Variants in PDCD6IP observed in about 807,000 individuals in gnomAD.
PDCD6IP encodes programmed cell death 6 interacting protein.
A neutral mutation model predicts 103.7 loss-of-function variants in PDCD6IP; 43 were observed. The observed-to-expected ratio is 0.41, with a 90% CI of 0.32 to 0.53. The LOEUF is 0.53. Ranked by LOEUF, PDCD6IP falls within the 20% of genes least tolerant of loss-of-function variation. The pLI, the probability that PDCD6IP is intolerant of heterozygous loss-of-function variation, is 0.16. For synonymous variants in PDCD6IP, 354 were observed against 378.7 expected (o/e 0.93, Z 0.76); for missense variants, 871 against 1,036.7 (o/e 0.84, Z 2.20).
At chr3:33,845,273 A>G in intron 11 of PDCD6IP, 146 bp from the exon 12 acceptor site, 1 of 491,138 alleles carries the variant, frequency 2.0e-6, no homozygotes, top group Non-Finnish European at 3.6e-6. Context: ...AAAGACTGTC[A>G]GGAGCTGTTT....
chr3:33,848,298 A>G (rs1559792841), intron 12 of PDCD6IP, among the ~76,000 whole-genome samples: 1 of 152,200 alleles, frequency 6.6e-6, no homozygotes, highest in African/African-American at 2.4e-5. Flanking sequence ...AAATGTATCA[A>G]GTTTCTGCGT....
rs754711520 is a variant in PDCD6IP at position 33,836,198 on chromosome 3, A to T, written c.989A>T (p.Asp330Val). The change falls in exon 8 of 18, where the codon GAT becomes GTT. Residue 330 changes from aspartate (D) to valine (V), a missense_variant. Around this residue, in one of 5 missense-constraint regions of PDCD6IP, gnomAD observed 242 missense variants for 250.7 expected, o/e 0.97. Transcript: ENST00000307296. ...CGAGTTCCAGACCTTAAAGATCTAG[A>T]TCCTATTGGCAAAGCCACACTTGTG... ...HDRVPDLKDLDPIGKATLVKS... is the reference protein window; with the variant it reads ...HDRVPDLKDLVPIGKATLVKS... 1 of 1,613,760 alleles carries T rather than the reference A, an allele frequency of 6.2e-7. No homozygotes were observed. Among genetic ancestry groups the T allele is most frequent in the Non-Finnish European group, 8.5e-7 (1 of 1,179,660 alleles).
At chr3:33,835,229 T>A (rs1206982104) in intron 7 of PDCD6IP, 2 of 456,630 alleles carry the variant, frequency 4.4e-6, no homozygotes, top group African/African-American at 4.0e-5. Context: ...GTTCACTTCC[T>A]GTGTTGTTGG....
intron 15 of PDCD6IP, among the ~76,000 whole-genome samples, chr3:33,856,711 T>A (rs1219212926): frequency 6.6e-6 from 1 of 152,114 alleles, no homozygotes; most frequent in Non-Finnish European, 1.5e-5. Context: ...GGCAGAATCC[T>A]TTAGGCAGTC....
intron 12 of PDCD6IP, among the ~76,000 whole-genome samples, chr3:33,851,926 G>C (rs185761811): frequency 2.7e-4 from 41 of 152,182 alleles, no homozygotes; most frequent in Admixed American, 1.6e-3. Context: ...CTTCACCTCT[G>C]TTTCTCTATA....
intron 15 of PDCD6IP, among the ~76,000 whole-genome samples, chr3:33,855,877 T>G (rs947406191): frequency 6.6e-6 from 1 of 152,046 alleles, no homozygotes; most frequent in African/African-American, 2.4e-5. Context: ...CAACAACAAA[T>G]GTAAGGAGGC....
intron 3 of PDCD6IP, among the ~76,000 whole-genome samples, chr3:33,819,535 T>C (rs1294679642): frequency 6.6e-6 from 1 of 152,238 alleles, no homozygotes; most frequent in Non-Finnish European, 1.5e-5. Flanking sequence ...TGTTTATGTC[T>C]GCTTTAGTTT....
At chr3:33,816,503 TAAAAAAAAAA>T (rs57317946) in intron 3 of PDCD6IP, among the ~76,000 whole-genome samples, 2 of 57,636 alleles carry the variant, frequency 3.5e-5, no homozygotes, top group African/African-American at 1.4e-4. Flanking sequence ...AGATTCTGTC[TAAAAAAAAAA>T]AAAAAAAAAA....
intron 1 of PDCD6IP, among the ~76,000 whole-genome samples, chr3:33,800,732 G>A (rs547396113): frequency 1.3e-5 from 2 of 152,206 alleles, no homozygotes; most frequent in South Asian, 4.1e-4. Flanking sequence ...TTTTCCATTA[G>A]TAATATTAAG....
intron 17 of PDCD6IP, 152 bp downstream of exon 17, chr3:33,865,582 A>G: frequency 1.7e-6 from 1 of 585,906 alleles, no homozygotes. Flanking sequence ...AAATAATGTT[A>G]TGGTCACTTA....
At chr3:33,822,805 G>T (rs1044838797) in intron 4 of PDCD6IP, among the ~76,000 whole-genome samples, 1 of 152,018 alleles carries the variant, frequency 6.6e-6, no homozygotes. Context: ...ATAGGCATCC[G>T]CCACCTCGCC....
chr3:33,839,557 G>C (rs1345512506), intron 9 of PDCD6IP, among the ~76,000 whole-genome samples: 1 of 152,142 alleles, frequency 6.6e-6, no homozygotes, highest in Admixed American at 6.5e-5. Flanking sequence ...GGGCATTTCA[G>C]TTTCTGTGAA....
At chr3:33,850,795 T>C (rs1222244344) in intron 12 of PDCD6IP, among the ~76,000 whole-genome samples, 2 of 152,128 alleles carry the variant, frequency 1.3e-5, no homozygotes, top group Non-Finnish European at 2.9e-5. Flanking sequence ...CTCCTTCCTT[T>C]TAGAGTTTCT....
At chr3:33,826,886 G>A in intron 6 of PDCD6IP, 1 of 1,112,746 alleles carries the variant, frequency 9.0e-7, no homozygotes, top group Non-Finnish European at 1.1e-6. Flanking sequence ...GTGTAGTTCT[G>A]AATCATTGGT....
At chr3:33,838,450 C>T in intron 9 of PDCD6IP, 123 bp downstream of exon 9, 4 of 858,550 alleles carry the variant, frequency 4.7e-6, no homozygotes, top group African/African-American at 1.7e-5. Context: ...AATGTAGACA[C>T]ACACTTACAA....
Position 33,866,510 on chromosome 3 carries a change from C to T in PDCD6IP, c.2592C>T (p.Tyr864=), listed in dbSNP as rs913691831. The T allele has an allele frequency of 1.2e-6, 2 of 1,604,526 alleles. No individual in the cohort carries two copies. The highest frequency in any genetic ancestry group is 1.1e-5 in the South Asian group (1 of 89,132). Residue 864 remains tyrosine, a synonymous_variant, in exon 18 of 18, where the codon TAC becomes TAT. Transcript: ENST00000307296. ...YPFPQPPQQS[Y]YPQQ is the part of the protein sequence containing the mutation. ...TCCCTCAGCCCCCACAGCAGTCTTA[C>T]TATCCACAGCAGTAATATGTCTGCT...
At chr3:33,807,394 G>A (rs1696621545) in intron 1 of PDCD6IP, among the ~76,000 whole-genome samples, 1 of 152,186 alleles carries the variant, frequency 6.6e-6, no homozygotes, top group South Asian at 2.1e-4. Context: ...TTTGCTTCTA[G>A]CTCCTGTCAC....
chr3:33,858,681 G>T (rs1440568229), intron 15 of PDCD6IP, among the ~76,000 whole-genome samples: 2 of 152,032 alleles, frequency 1.3e-5, no homozygotes, highest in African/African-American at 4.8e-5. Flanking sequence ...GTGGTGGCGG[G>T]CGCCTGTAAT....
At chr3:33,811,213 G>T in intron 1 of PDCD6IP, 1 of 212,056 alleles carries the variant, frequency 4.7e-6, no homozygotes, top group South Asian at 5.1e-5. Flanking sequence ...TCTGACCTTG[G>T]GAAACTTGGC....
Sources: gnomAD v4.1 joint callset for allele counts (sites outside exome capture counted in the v4.1 genomes callset) on GRCh38, gnomAD v4.1.1 for gene constraint, gnomAD v4.1.1 regional missense constraint, MANE v1.5 for transcripts, NCBI Gene and HGNC (gene_info 2026-07-23, HGNC 2026-07-21) for gene names.